NR3C2: variants seen among roughly 807,000 people sequenced by gnomAD.
NR3C2 encodes the protein nuclear receptor subfamily 3 group C member 2.
A neutral mutation model predicts 86.4 loss-of-function variants in NR3C2; 15 were observed. The observed-to-expected ratio is 0.17, with a 90% confidence interval of 0.12 to 0.27. NR3C2 has a LOEUF of 0.27. NR3C2 is among the 10% of genes least tolerant of loss of function. The pLI is 1.00. For synonymous variants in NR3C2, 458 were observed against 450.5 expected (o/e 1.02, Z -0.21); for missense variants, 960 against 1,195.6 (o/e 0.80, Z 2.91).
At chr4:148,414,049 A>G (rs564457667) in intron 2 of NR3C2, among the ~76,000 whole-genome samples, 2 of 152,308 alleles carry the variant, frequency 1.3e-5, no homozygotes, top group South Asian at 4.1e-4. Flanking sequence ...ACTGGAAACA[A>G]TCTAAATGTC....
At chr4:148,282,164 G>C (rs537655698) in intron 2 of NR3C2, among the ~76,000 whole-genome samples, 5 of 152,004 alleles carry the variant, frequency 3.3e-5, no homozygotes, top group Non-Finnish European at 5.9e-5. Flanking sequence ...ACAGTAGCTG[G>C]GACTACAGGC....
chr4:148,419,384 A>G (rs17024708), intron 2 of NR3C2, among the ~76,000 whole-genome samples: 34,442 of 152,150 alleles, frequency 0.23, 4,018 homozygotes, highest in African/African-American at 0.24. Context: ...GCAAAATTAC[A>G]TGTGCAAGTA....
At chr4:148,383,952 GA>G (rs60506239) in intron 2 of NR3C2, among the ~76,000 whole-genome samples, 364 of 120,172 alleles carry the variant, frequency 3.0e-3, no homozygotes, top group Middle Eastern at 4.2e-3. Context: ...TGTCTCAGGG[GA>G]AAAAAAAAAA....
At chr4:148,396,253 A>G (rs879096946) in intron 2 of NR3C2, among the ~76,000 whole-genome samples, 11 of 152,256 alleles carry the variant, frequency 7.2e-5, no homozygotes, top group Non-Finnish European at 1.5e-4. Context: ...ATAAAGCAGC[A>G]CATAAATTTC....
At chr4:148,225,070 T>A (rs576545911) in intron 3 of NR3C2, among the ~76,000 whole-genome samples, 1 of 152,282 alleles carries the variant, frequency 6.6e-6, no homozygotes, top group Non-Finnish European at 1.5e-5. Context: ...GAACTTTAAA[T>A]CTTCCCTGGA....
chr4:148,283,279 C>T (rs1369929702), intron 2 of NR3C2, among the ~76,000 whole-genome samples: 1 of 152,148 alleles, frequency 6.6e-6, no homozygotes, highest in African/African-American at 2.4e-5. Context: ...ACATAAGCAC[C>T]ATTGGTTAGT....
At chr4:148,341,206 T>C (rs1014106213) in intron 2 of NR3C2, among the ~76,000 whole-genome samples, 14 of 152,144 alleles carry the variant, frequency 9.2e-5, no homozygotes. Flanking sequence ...TGATACGTAA[T>C]CAATCTAAGT....
intron 3 of NR3C2, among the ~76,000 whole-genome samples, chr4:148,237,836 T>A (rs1171978428): frequency 6.6e-6 from 1 of 152,142 alleles, no homozygotes; most frequent in African/African-American, 2.4e-5. Context: ...CTGAATGAAC[T>A]TCCAAAACTA....
At chr4:148,410,630 G>A (rs1163474355) in intron 2 of NR3C2, among the ~76,000 whole-genome samples, 1 of 151,948 alleles carries the variant, frequency 6.6e-6, no homozygotes, top group Non-Finnish European at 1.5e-5. Context: ...CAACGGCCAG[G>A]GACCTTTCAC....
intron 3 of NR3C2, among the ~76,000 whole-genome samples, chr4:148,234,636 T>C (rs773350709): frequency 6.7e-6 from 1 of 149,044 alleles, no homozygotes; most frequent in African/African-American, 2.5e-5. Context: ...TGAGCCAAGA[T>C]TGCGCCACTG....
intron 3 of NR3C2, among the ~76,000 whole-genome samples, chr4:148,218,908 A>C (rs1472161536): frequency 6.6e-6 from 1 of 152,182 alleles, no homozygotes; most frequent in Non-Finnish European, 1.5e-5. Context: ...GATTGTTCCC[A>C]AGTTTTTCTT....
At chr4:148,311,794 C>T (rs1031990222) in intron 2 of NR3C2, among the ~76,000 whole-genome samples, 3 of 152,232 alleles carry the variant, frequency 2.0e-5, no homozygotes, top group Non-Finnish European at 4.4e-5. Context: ...TCTGCACCAG[C>T]CATGCTGGCC....
At chr4:148,268,857 C>A (rs555808895) in intron 2 of NR3C2, among the ~76,000 whole-genome samples, 1 of 152,294 alleles carries the variant, frequency 6.6e-6, no homozygotes, top group African/African-American at 2.4e-5. Flanking sequence ...CTTTAAAAAT[C>A]TACGACGTTA....
In NR3C2 at chr4:148,343,365, C is replaced by T. The variant is rs549857085; in HGVS notation, c.1758-83248G>A. The stretch of plus-strand genomic sequence containing the variant: ...CCAAACACAGGCTCATTACATCTCA[C>T]GGATTCAAGTCCCAAGGCAGCAGCG... On this transcript the variant is annotated intron_variant, in intron 2 of 8. Transcript: ENST00000358102. 2.2e-3 allele frequency among the ~76,000 whole-genome samples: 330 copies of T among 152,216 alleles called. 1 individual carries two copies. The highest frequency in any genetic ancestry group is 3.8e-3 in the Non-Finnish European group (255 of 67,990).
chr4:148,442,535 T>G (rs914776782), upstream of NR3C2: 11 of 509,994 alleles, frequency 2.2e-5, no homozygotes, highest in African/African-American at 4.2e-5. Flanking sequence ...GCGGGTCACA[T>G]GTCCAGATAA....
At chr4:148,116,463 T>C (rs1318181969) in intron 7 of NR3C2, among the ~76,000 whole-genome samples, 1 of 152,204 alleles carries the variant, frequency 6.6e-6, no homozygotes, top group Non-Finnish European at 1.5e-5. Context: ...ATCCAAAATC[T>C]GGAGAAGAGC....
chr4:148,431,656 C>T (rs1749806109), intron 2 of NR3C2, among the ~76,000 whole-genome samples: 2 of 152,120 alleles, frequency 1.3e-5, no homozygotes, highest in African/African-American at 2.4e-5. Flanking sequence ...CACTGAATGC[C>T]CACAGACTGA....
intron 8 of NR3C2, among the ~76,000 whole-genome samples, chr4:148,111,293 T>C (rs537901075): frequency 6.6e-6 from 1 of 152,272 alleles, no homozygotes; most frequent in African/African-American, 2.4e-5. Flanking sequence ...ATGCAGCTAT[T>C]AGAATGGCTG....
At chr4:148,370,419 T>C (rs1746358044) in intron 2 of NR3C2, among the ~76,000 whole-genome samples, 2 of 152,226 alleles carry the variant, frequency 1.3e-5, no homozygotes, top group Non-Finnish European at 2.9e-5. Context: ...TCACTTTTAT[T>C]TTGTTAAAGT....
Sources: gnomAD v4.1 joint callset for allele counts (sites outside exome capture counted in the v4.1 genomes callset) on GRCh38, gnomAD v4.1.1 for gene constraint, MANE v1.5 for transcripts, NCBI Gene and HGNC (gene_info 2026-07-23, HGNC 2026-07-21) for gene names.